HTATIP2: variants seen among roughly 807,000 people sequenced by gnomAD.
HTATIP2 encodes the protein HIV-1 Tat interactive protein 2.
Under a neutral mutation model 24.7 loss-of-function variants are expected in HTATIP2, and 26 were observed. The observed-to-expected ratio is 1.05, with a 90% CI of 0.77 to 1.46. HTATIP2 has a LOEUF of 1.46. Among genes scored for constraint, HTATIP2 ranks in the 40% most tolerant of loss-of-function variants. HTATIP2 has a pLI of 0.00. For missense variants in HTATIP2, 284 were observed against 289.6 expected, an observed-to-expected ratio of 0.98 and a Z score of 0.14; for synonymous variants, 99 against 113.2, an observed-to-expected ratio of 0.87 and a Z score of 0.79.
At chr11:20,381,069 G>T (rs1432087628) in intron 3 of HTATIP2, among the ~76,000 whole-genome samples, 1 of 152,160 alleles carries the variant, frequency 6.6e-6, no homozygotes, top group Non-Finnish European at 1.5e-5. Flanking sequence ...TCTTTTCAGG[G>T]TGATGAAATA....
At chr11:20,367,037 A>G (rs1276429784) in intron 1 of HTATIP2, 137 bp from the exon 2 acceptor site, 1 of 1,013,418 alleles carries the variant, frequency 9.9e-7, no homozygotes, top group African/African-American at 1.6e-5. Context: ...TGGTTGGAGA[A>G]AAGGAATTTG....
intron 2 of HTATIP2, among the ~76,000 whole-genome samples, chr11:20,372,724 TA>T (rs1474059712): frequency 5.3e-5 from 8 of 152,276 alleles, no homozygotes; most frequent in African/African-American, 1.7e-4. Context: ...AGATATGAAA[TA>T]GCTTGCTTTA....
chr11:20,363,951 T>C lies in HTATIP2; in HGVS notation c.-287T>C. 8.0e-7 allele frequency: 1 copy of C among 1,244,454 alleles called. No homozygotes were observed. 77.1% of individuals were successfully genotyped at this position (1,244,454 alleles called of 1,614,324 possible). A position where few individuals can be genotyped will look rare whatever the true frequency, so the allele number is the denominator to read the frequency against. ...GTATGGGACCGAGCTGGGCCAGGTC[T>C]CCTGGCCGGGCCGGGGATACCGTGG... is the stretch of plus-strand genomic sequence containing the variant. On this transcript the variant is annotated 5_prime_UTR_variant, in exon 1 of 5. Coordinates refer to ENST00000451739, the MANE Select transcript of HTATIP2 (RefSeq NM_001098522.2).
chr11:20,375,914 T>C (rs112190922), intron 2 of HTATIP2: 86 of 152,386 alleles, frequency 5.6e-4, no homozygotes, highest in African/African-American at 2.1e-3. Flanking sequence ...CATTGGCGTT[T>C]TGTTCATTCA....
intron 2 of HTATIP2, among the ~76,000 whole-genome samples, chr11:20,369,898 A>G (rs1325680022): frequency 6.6e-6 from 1 of 152,198 alleles, no homozygotes; most frequent in African/African-American, 2.4e-5. Flanking sequence ...GGTTCTAGGA[A>G]AAGGTCTATT....
At position 20,383,063 on chromosome 11, in the gene HTATIP2, C is replaced by T; in HGVS notation, c.587C>T (p.Ala196Val). 1 of 1,613,638 alleles carries T rather than the reference C, an allele frequency of 6.2e-7. No homozygotes were observed. Among genetic ancestry groups the T allele is most frequent in the Non-Finnish European group, 8.5e-7 (1 of 1,179,946 alleles). Residue 196 changes from alanine (A) to valine (V), a missense_variant, in exon 5 of 5, where the codon GCC becomes GTC. Physicochemically the swap from Ala to Val is moderately conservative, Grantham distance 64 (BLOSUM62 0). Transcript: ENST00000451739. The stretch of plus-strand genomic sequence containing the variant: ...TTTGGCTCCTTACCAGACTCTTGGG[C>T]CAGTGGGCATTCTGTGCCTGTGGTG... ...KFFGSLPDSWASGHSVPVVTV... is the reference protein window; with the variant it reads ...KFFGSLPDSWVSGHSVPVVTV...
Position 20,363,849 on chromosome 11 carries a change from C to T in HTATIP2, c.-389C>T. The T allele has an allele frequency of 8.0e-7, 1 of 1,245,030 alleles. No individual in the cohort carries two copies. The highest frequency in any genetic ancestry group is 3.1e-5 in the East Asian group (1 of 31,774). 77.1% of individuals were successfully genotyped at this position (1,245,030 alleles called of 1,614,324 possible). A position where few individuals can be genotyped will look rare whatever the true frequency, so the allele number is the denominator to read the frequency against. ...GCGGCGCTGAGCGCGGCGGCGGCGG[C>T]TGCTCTGGCGGCCGCCCTGCTCCTG... On this transcript the variant is annotated 5_prime_UTR_variant, in exon 1 of 5. Transcript: ENST00000451739.
chr11:20,379,265 C>G (rs2088451), intron 3 of HTATIP2, among the ~76,000 whole-genome samples: 59,348 of 152,076 alleles, frequency 0.39, 13,603 homozygotes, highest in Non-Finnish European at 0.53. Flanking sequence ...AAAGACACTT[C>G]TGATTTCACT....
chr11:20,383,440 A>C lies in HTATIP2; in HGVS notation c.*235A>C. The C allele has an allele frequency of 8.1e-6, 4 of 495,132 alleles. No individual in the cohort carries two copies. Among genetic ancestry groups the C allele is most frequent in the Non-Finnish European group, 1.4e-5 (4 of 280,866 alleles). 30.7% of individuals were successfully genotyped at this position (495,132 alleles called of 1,614,324 possible). On this transcript the variant is annotated 3_prime_UTR_variant, in exon 5 of 5. Coordinates refer to ENST00000451739, the MANE Select transcript of HTATIP2 (RefSeq NM_001098522.2). ...ATTTGTCAGCCCTATCTCAAACTTG[A>C]ATCAAAATTTCTGGGGTGTGGGCAC...
chr11:20,382,938 C>T (rs1848542191), intron 4 of HTATIP2, 42 bp from the exon 5 acceptor site: 2 of 1,486,188 alleles, frequency 1.3e-6, no homozygotes, highest in South Asian at 2.5e-5. Flanking sequence ...TTTACCACCT[C>T]TTCCTCTGCT....
At chr11:20,382,424 G>A (rs1848534171) in intron 4 of HTATIP2, among the ~76,000 whole-genome samples, 185 bp downstream of exon 4, 2 of 152,220 alleles carry the variant, frequency 1.3e-5, no homozygotes, top group South Asian at 4.1e-4. Flanking sequence ...GGTGGGGCCT[G>A]CTTCAGAATA....
chr11:20,369,258 G>A lies in HTATIP2; in HGVS notation c.303+1977G>A, dbSNP rs534172940. 5.9e-5 allele frequency among the ~76,000 whole-genome samples: 9 copies of A among 152,284 alleles called. No individual in the cohort carries two copies. The South Asian group carries it at 8.3e-4, about 14-fold the overall frequency. On this transcript the variant is annotated intron_variant, in intron 2 of 4. Coordinates refer to ENST00000451739, the MANE Select transcript of HTATIP2 (RefSeq NM_001098522.2). ...CAGCCCTCTCTGTAGAAAAAAGTTC[G>A]TTGGGTGGTTTATCATATGAGTACT...
intron 3 of HTATIP2, among the ~76,000 whole-genome samples, chr11:20,380,368 A>G (rs1848499490): frequency 6.6e-6 from 1 of 152,296 alleles, no homozygotes; most frequent in East Asian, 1.9e-4. Context: ...GACAAAACAA[A>G]TCTTTTAAAA....
intron 3 of HTATIP2, among the ~76,000 whole-genome samples, chr11:20,378,295 G>GA (rs1177314554): frequency 1.3e-5 from 2 of 152,064 alleles, no homozygotes; most frequent in African/African-American, 4.8e-5. Flanking sequence ...TTCTTAAAAG[G>GA]AAAAAATCTG....
chr11:20,369,227 G>T (rs2064745766), intron 2 of HTATIP2, among the ~76,000 whole-genome samples: 1 of 152,104 alleles, frequency 6.6e-6, no homozygotes, highest in Admixed American at 6.5e-5. Flanking sequence ...TGGTGTTCTG[G>T]GTCAGCAGCC....
intron 1 of HTATIP2, among the ~76,000 whole-genome samples, chr11:20,365,604 A>G (rs2064691971): frequency 6.6e-6 from 1 of 152,238 alleles, no homozygotes; most frequent in Admixed American, 6.5e-5. Flanking sequence ...TAAAACAGAC[A>G]TCTTTCCTCA....
chr11:20,366,364 CA>C (rs2064706981), intron 1 of HTATIP2, among the ~76,000 whole-genome samples: 1 of 151,884 alleles, frequency 6.6e-6, no homozygotes, highest in Non-Finnish European at 1.5e-5. Flanking sequence ...CTCAGCCTCC[CA>C]AAGTGCTGGG....
chr11:20,366,368 G>A (rs1343482990), intron 1 of HTATIP2, among the ~76,000 whole-genome samples: 1 of 151,742 alleles, frequency 6.6e-6, no homozygotes, highest in Non-Finnish European at 1.5e-5. Flanking sequence ...GCCTCCCAAA[G>A]TGCTGGGATT....
At chr11:20,365,016 C>T in intron 1 of HTATIP2, among the ~76,000 whole-genome samples, 1 of 147,612 alleles carries the variant, frequency 6.8e-6, no homozygotes, top group Non-Finnish European at 1.5e-5. Flanking sequence ...CGGAGTCTCA[C>T]TCTGTCCCCC....
Sources: gnomAD v4.1 joint callset for allele counts (sites outside exome capture counted in the v4.1 genomes callset) on GRCh38, gnomAD v4.1.1 for gene constraint, MANE v1.5 for transcripts, NCBI Gene and HGNC (gene_info 2026-07-23, HGNC 2026-07-21) for gene names.